The following CYSTM1 variants were observed in gnomAD, a reference collection of about 807,000 sequenced individuals.
CYSTM1 encodes the protein cysteine rich transmembrane module containing 1, also known as cysteine-rich transmembrane module-containing protein 1.
In CYSTM1, 4 loss-of-function variants were observed where a neutral mutation model predicts 13.1. The ratio of observed to expected loss-of-function variants is 0.31; its 90% CI spans 0.15 to 0.70. The LOEUF is 0.70. Among genes scored for constraint, CYSTM1 ranks in the 30% least tolerant of loss-of-function variants. CYSTM1 has a pLI of 0.72. For missense variants in CYSTM1, 96 were observed against 121.6 expected (o/e 0.79, Z 0.99); for synonymous variants, 36 against 42.7 (o/e 0.84, Z 0.62).
intron 1 of CYSTM1, among the ~76,000 whole-genome samples, chr5:140,193,296 G>A (rs1581060634): frequency 7.4e-6 from 1 of 134,964 alleles, no homozygotes; most frequent in Non-Finnish European, 1.6e-5. Flanking sequence ...TTGTTTGTTT[G>A]TTTTTGAGAC....
At chr5:140,193,869 G>C (rs1423639667) in intron 1 of CYSTM1, among the ~76,000 whole-genome samples, 1 of 152,322 alleles carries the variant, frequency 6.6e-6, no homozygotes, top group Non-Finnish European at 1.5e-5. Flanking sequence ...AGAGCAGCGG[G>C]TCTGGGGAGA....
intron 2 of CYSTM1, among the ~76,000 whole-genome samples, chr5:140,242,506 A>C (rs1352696090): frequency 6.6e-6 from 1 of 152,214 alleles, no homozygotes; most frequent in Non-Finnish European, 1.5e-5. Context: ...TGAGATTTTC[A>C]GTGGCCACAG....
At chr5:140,196,115 C>CA (rs1764154156) in intron 2 of CYSTM1, among the ~76,000 whole-genome samples, 1 of 151,950 alleles carries the variant, frequency 6.6e-6, no homozygotes, top group South Asian at 2.1e-4. Context: ...TTAATCCTTG[C>CA]AACAATCCTA....
At chr5:140,180,784 CA>C (rs1561807473) in intron 1 of CYSTM1, among the ~76,000 whole-genome samples, 2 of 152,100 alleles carry the variant, frequency 1.3e-5, no homozygotes. Context: ...GCCAAAACAA[CA>C]GATGATTTAT....
chr5:140,241,428 C>T (rs768675000), intron 2 of CYSTM1, among the ~76,000 whole-genome samples: 1 of 152,174 alleles, frequency 6.6e-6, no homozygotes, highest in Non-Finnish European at 1.5e-5. Context: ...CTTGTGAATA[C>T]CTCAATAAAT....
At chr5:140,224,563 T>G (rs1410681886) in intron 2 of CYSTM1, among the ~76,000 whole-genome samples, 1 of 152,156 alleles carries the variant, frequency 6.6e-6, no homozygotes, top group African/African-American at 2.4e-5. Flanking sequence ...CTCTGTCACT[T>G]GGGCTGGAAT....
chr5:140,201,061 C>T (rs531253266), intron 2 of CYSTM1: 7 of 152,120 alleles, frequency 4.6e-5, no homozygotes, highest in Non-Finnish European at 8.8e-5. Flanking sequence ...GGATATACCA[C>T]GTTTTAGTTA....
chr5:140,221,941 A>T (rs1764497184), intron 2 of CYSTM1, among the ~76,000 whole-genome samples: 1 of 152,206 alleles, frequency 6.6e-6, no homozygotes, highest in Non-Finnish European at 1.5e-5. Context: ...CCTTTCATTG[A>T]CCACATTTCA....
chr5:140,187,304 A>C (rs1360033021), intron 1 of CYSTM1, among the ~76,000 whole-genome samples: 3 of 143,512 alleles, frequency 2.1e-5, no homozygotes, highest in Non-Finnish European at 4.6e-5. Flanking sequence ...TGGGGAGTTA[A>C]AAAAAAAAAA....
intron 2 of CYSTM1, among the ~76,000 whole-genome samples, chr5:140,204,253 G>C (rs924689128): frequency 2.6e-5 from 4 of 152,132 alleles, no homozygotes; most frequent in Non-Finnish European, 5.9e-5. Context: ...CGTGCCTGTA[G>C]TCCGATCTGC....
intron 1 of CYSTM1, among the ~76,000 whole-genome samples, chr5:140,192,629 T>A (rs1484394608): frequency 2.0e-5 from 3 of 152,214 alleles, no homozygotes; most frequent in Non-Finnish European, 4.4e-5. Context: ...TTTCCTAGAC[T>A]TTGTGTATAC....
Position 140,243,416 on chromosome 5 carries a change from ACCAGC to A in CYSTM1, c.*12_*16del. 4 of 1,613,440 alleles carry A rather than the reference ACCAGC, an allele frequency of 2.5e-6. No homozygotes were observed. The highest frequency in any genetic ancestry group is 2.5e-6 in the Non-Finnish European group (3 of 1,179,804). ...CTCTGGGACATGCTCACCTGACCAGACCAGCCCAGCCGTCCTGTCCTGCCAGCTCT... is the reference window on the plus strand; with the variant it reads ...CTCTGGGACATGCTCACCTGACCAGACCAGCCGTCCTGTCCTGCCAGCTCT... On this transcript the variant is annotated 3_prime_UTR_variant, in exon 3 of 3. Transcript: ENST00000261811.
intron 2 of CYSTM1, among the ~76,000 whole-genome samples, chr5:140,209,373 T>A (rs1453249811): frequency 4.0e-5 from 6 of 151,222 alleles, no homozygotes; most frequent in Admixed American, 3.9e-4. Context: ...TTCAAGTGAT[T>A]ATCCTGCCTG....
intron 1 of CYSTM1, among the ~76,000 whole-genome samples, chr5:140,192,519 T>A (rs1015940101): frequency 1.5e-4 from 23 of 152,354 alleles, no homozygotes; most frequent in Middle Eastern, 6.8e-3. Flanking sequence ...CCCATTTCTT[T>A]CCTTTTTTCT....
intron 2 of CYSTM1, chr5:140,228,964 C>A: frequency 2.5e-6 from 1 of 395,130 alleles, no homozygotes; most frequent in Non-Finnish European, 4.5e-6. Context: ...AATTTTAGCA[C>A]CTTTCATAGG....
intron 2 of CYSTM1, among the ~76,000 whole-genome samples, chr5:140,211,342 C>T (rs1423199442): frequency 6.6e-6 from 1 of 152,226 alleles, no homozygotes; most frequent in Non-Finnish European, 1.5e-5. Context: ...ATTCCAGAGG[C>T]TATGCTTGTC....
Position 140,243,425 on chromosome 5 carries a change from G to A in CYSTM1, c.*14G>A. ...ATGCTCACCTGACCAGACCAGCCCA[G>A]CCGTCCTGTCCTGCCAGCTCTGCTG... On this transcript the variant is annotated 3_prime_UTR_variant, in exon 3 of 3. Coordinates refer to ENST00000261811, the MANE Select transcript of CYSTM1 (RefSeq NM_032412.4). The A allele has an allele frequency of 6.2e-7, 1 of 1,612,488 alleles. No individual in the cohort carries two copies. The highest frequency in any genetic ancestry group is 8.5e-7 in the Non-Finnish European group (1 of 1,179,194).
At chr5:140,243,033 G>A (rs1764769789) in intron 2 of CYSTM1, among the ~76,000 whole-genome samples, 1 of 152,234 alleles carries the variant, frequency 6.6e-6, no homozygotes, top group South Asian at 2.1e-4. Flanking sequence ...GCCAACTCTG[G>A]TTGCCTTGGC....
rs898908033 is a variant in CYSTM1 at position 140,239,064 on chromosome 5, C to G, written c.188-4241C>G. Among the ~76,000 whole-genome samples the G allele has an allele frequency of 2.6e-5, 4 of 152,194 alleles. No individual in the cohort carries two copies. The highest frequency in any genetic ancestry group is 5.9e-5 in the Non-Finnish European group (4 of 68,026). Reference sequence around the variant, plus strand: ...TCAGAACCCTCTGGGAGGCTCTGGTCTTTCTGTTTGCCTTTCCCGCCTAGC... The same window carrying G: ...TCAGAACCCTCTGGGAGGCTCTGGTGTTTCTGTTTGCCTTTCCCGCCTAGC... On this transcript the variant is annotated intron_variant, in intron 2 of 2. Coordinates refer to ENST00000261811, the MANE Select transcript of CYSTM1 (RefSeq NM_032412.4). This position sits in a 1 kb window ranked among gnomAD's most constrained non-coding sequence, Gnocchi z 5.4.
Sources: gnomAD v4.1 joint callset for allele counts (sites outside exome capture counted in the v4.1 genomes callset) on GRCh38, gnomAD v4.1.1 for gene constraint, Gnocchi (gnomAD v3.1) non-coding constraint, MANE v1.5 for transcripts, NCBI Gene and HGNC (gene_info 2026-07-23, HGNC 2026-07-21) for gene names.